The following SYTL5 variants were observed in gnomAD, a reference collection of about 807,000 sequenced individuals.
SYTL5 encodes the protein synaptotagmin-like protein 5.
In SYTL5, 34 loss-of-function variants were observed where a neutral mutation model predicts 55.9. The observed-to-expected ratio is 0.61, with a 90% CI of 0.46 to 0.81. The LOEUF is 0.81. Among genes scored for constraint, SYTL5 ranks in the 30% least tolerant of loss-of-function variants. SYTL5 has a pLI of 0.00. For synonymous variants in SYTL5, 221 were observed against 188.7 expected (o/e 1.17, Z -1.40); for missense variants, 637 against 546.7 (o/e 1.17, Z -1.65).
intron 10 of SYTL5, among the ~76,000 whole-genome samples, chrX:38,105,097 C>G (rs1480770815): frequency 8.9e-6 from 1 of 112,580 alleles, no homozygotes; most frequent in African/African-American, 3.2e-5. Context: ...AATCTGATAA[C>G]TGAGACAGCT....
chrX:38,077,286 A>T (rs1188154456), intron 6 of SYTL5, among the ~76,000 whole-genome samples: 1 of 111,577 alleles, frequency 9.0e-6, no homozygotes, highest in East Asian at 2.8e-4. Flanking sequence ...GATTTTCTGT[A>T]TCCTATTGGA....
At chrX:38,014,581 A>T (rs1934288746) in intron 1 of SYTL5, among the ~76,000 whole-genome samples, 1 of 111,906 alleles carries the variant, frequency 8.9e-6, no homozygotes, top group Non-Finnish European at 1.9e-5. Context: ...ATTGGGACAC[A>T]GCTTGGTTTT....
chrX:37,964,489 G>C, the SYTL5 span, among the ~76,000 whole-genome samples: 1 of 111,237 alleles, frequency 9.0e-6, no homozygotes, highest in South Asian at 3.8e-4. Flanking sequence ...ATTGAATTCT[G>C]CTTGATAATA....
intron 1 of SYTL5, among the ~76,000 whole-genome samples, chrX:38,029,766 A>G (rs1369539072): frequency 1.8e-5 from 2 of 112,099 alleles, no homozygotes; most frequent in Middle Eastern, 4.2e-3. Flanking sequence ...TCGTGTACTA[A>G]AAGGCATTAC....
the SYTL5 span, among the ~76,000 whole-genome samples, chrX:37,958,661 A>G: frequency 1.8e-5 from 2 of 111,814 alleles, no homozygotes; most frequent in African/African-American, 3.3e-5. Context: ...TTCAGGATCA[A>G]CTCAGAAGTC....
At chrX:37,977,056 T>C in the SYTL5 span, among the ~76,000 whole-genome samples, 1 of 111,635 alleles carries the variant, frequency 9.0e-6, no homozygotes, top group Admixed American at 9.5e-5. Flanking sequence ...GACTTTACTT[T>C]GAAAAAATTA....
chrX:37,957,184 G>A, the SYTL5 span, among the ~76,000 whole-genome samples: 3 of 111,081 alleles, frequency 2.7e-5, no homozygotes, highest in Non-Finnish European at 5.7e-5. Flanking sequence ...TTGTATATTC[G>A]CCCCTTATCA....
chrX:38,011,565 C>T (rs1256488714), intron 1 of SYTL5, among the ~76,000 whole-genome samples: 1 of 108,126 alleles, frequency 9.2e-6, no homozygotes, highest in African/African-American at 3.4e-5. Flanking sequence ...ACCCAGGAGG[C>T]GGAGTTTGCA....
chrX:37,897,670 C>G, the SYTL5 span, among the ~76,000 whole-genome samples: 1 of 111,361 alleles, frequency 9.0e-6, no homozygotes, highest in African/African-American at 3.3e-5. Context: ...GATGTTGGAG[C>G]TGAAGTCACC....
intron 1 of SYTL5, among the ~76,000 whole-genome samples, chrX:38,023,111 A>T (rs1369134322): frequency 8.9e-6 from 1 of 112,309 alleles, no homozygotes; most frequent in East Asian, 2.8e-4. Context: ...TTGGAATTGC[A>T]TATAGAAGAG....
At chrX:37,931,627 T>C in the SYTL5 span, among the ~76,000 whole-genome samples, 57 of 111,927 alleles carry the variant, frequency 5.1e-4, no homozygotes, top group African/African-American at 1.6e-3. Context: ...TTGTTTTGCT[T>C]GCTGCTGTAT....
At chrX:37,903,362 A>G in the SYTL5 span, among the ~76,000 whole-genome samples, 1 of 107,285 alleles carries the variant, frequency 9.3e-6, no homozygotes, top group Non-Finnish European at 1.9e-5. Flanking sequence ...ATGGAATACT[A>G]TGCAGCCATA....
At chrX:38,052,044 TAAC>T (rs1275092233) in intron 2 of SYTL5, among the ~76,000 whole-genome samples, 2 of 112,062 alleles carry the variant, frequency 1.8e-5, no homozygotes, top group Admixed American at 1.9e-4. Flanking sequence ...TTTCTAGAGA[TAAC>T]AACTTCCAGG....
chrX:38,026,266 A>G (rs1408809909), intron 1 of SYTL5, among the ~76,000 whole-genome samples: 1 of 111,950 alleles, frequency 8.9e-6, no homozygotes, highest in Non-Finnish European at 1.9e-5. Flanking sequence ...TTCACCCTGT[A>G]TTTCTCCGGA....
At chrX:37,955,575 C>T in the SYTL5 span, among the ~76,000 whole-genome samples, 7 of 111,962 alleles carry the variant, frequency 6.3e-5, no homozygotes, top group Admixed American at 1.9e-4. Flanking sequence ...GGTTAAGAGA[C>T]GACAGCCTTT....
At chrX:38,048,383 G>A (rs1352124697) in intron 2 of SYTL5, among the ~76,000 whole-genome samples, 1 of 109,009 alleles carries the variant, frequency 9.2e-6, no homozygotes, top group Non-Finnish European at 1.9e-5. Context: ...AAACTCTTCC[G>A]ACCTCTGCCT....
intron 2 of SYTL5, among the ~76,000 whole-genome samples, chrX:38,035,613 C>G (rs1935081123): frequency 9.3e-6 from 1 of 107,632 alleles, no homozygotes; most frequent in African/African-American, 3.4e-5. Context: ...AAAATCATTT[C>G]TGGCCGGGCG....
At position 38,110,418 on chromosome X, in the gene SYTL5, A is replaced by T. The variant is rs1422172462; in HGVS notation, c.1532A>T (p.Glu511Val). The stretch of plus-strand genomic sequence containing the variant: ...CGTAATAGCTTCCTCGGGGAAGTAG[A>T]GATTCCTTTTGACTCATGGAACTTT... ...FGRNSFLGEV[E>V]IPFDSWNFEN... Residue 511 changes from glutamate to valine, a missense_variant, in exon 13 of 17, where the codon GAG becomes GTG. Glu to Val is a moderately radical substitution (Grantham distance 121, BLOSUM62 -2). Coordinates refer to ENST00000297875, the MANE Select transcript of SYTL5 (RefSeq NM_138780.3). The T allele has an allele frequency of 8.3e-7, 1 of 1,209,667 alleles. No homozygotes were observed. Among genetic ancestry groups the T allele is most frequent in the East Asian group, 3.0e-5 (1 of 33,788 alleles).
At chrX:37,935,705 G>A in the SYTL5 span, among the ~76,000 whole-genome samples, 1 of 111,834 alleles carries the variant, frequency 8.9e-6, no homozygotes, top group Non-Finnish European at 1.9e-5. Flanking sequence ...GATGTTAATT[G>A]TCATTGCCAG....
Sources: gnomAD v4.1 joint callset for allele counts (sites outside exome capture counted in the v4.1 genomes callset) on GRCh38, gnomAD v4.1.1 for gene constraint, MANE v1.5 for transcripts, NCBI Gene and HGNC (gene_info 2026-07-23, HGNC 2026-07-21) for gene names.